SLC4A7: variants seen among roughly 807,000 people sequenced by gnomAD.
SLC4A7 encodes sodium bicarbonate cotransporter 3.
Under a neutral mutation model 137.6 loss-of-function variants are expected in SLC4A7, and 51 were observed. The ratio of observed to expected loss-of-function variants is 0.37; its 90% CI spans 0.30 to 0.47. The LOEUF (loss-of-function observed/expected upper bound fraction) is 0.47, where lower values mean the gene tolerates loss of function less well. SLC4A7 is among the 20% of genes least tolerant of loss of function. The pLI, the probability that SLC4A7 is intolerant of heterozygous loss-of-function variation, is 1.00. For synonymous variants in SLC4A7, 542 were observed against 518.6 expected (o/e 1.05, Z -0.61); for missense variants, 1,247 against 1,525.4 (o/e 0.82, Z 3.04).
Position 27,400,761 on chromosome 3 carries a change from C to G in SLC4A7, c.2427+3G>C. ...AAAACCCTTTATTTCAAAATATACT[C>G]ACAGAAACAGTAAGATTTCTCCAGG... On this transcript the variant is annotated splice_donor_region_variant and intron_variant, in intron 16 of 25. Coordinates refer to ENST00000454389, the MANE Select transcript of SLC4A7 (RefSeq NM_001321103.2). The G allele has an allele frequency of 6.5e-7, 1 of 1,533,488 alleles. No individual in the cohort carries two copies. The highest frequency in any genetic ancestry group is 9.0e-7 in the Non-Finnish European group (1 of 1,109,194). 95.0% of individuals were successfully genotyped at this position (1,533,488 alleles called of 1,614,324 possible).
chr3:27,425,231 G>A (rs535362073), intron 7 of SLC4A7, among the ~76,000 whole-genome samples: 1 of 152,078 alleles, frequency 6.6e-6, no homozygotes, highest in East Asian at 1.9e-4. Flanking sequence ...TAAGCCGGGC[G>A]TGATGGCGTG....
intron 1 of SLC4A7, among the ~76,000 whole-genome samples, chr3:27,476,397 A>G (rs1357905077): frequency 1.3e-5 from 2 of 152,250 alleles, no homozygotes; most frequent in Admixed American, 1.3e-4. Flanking sequence ...CAAGCAAAGT[A>G]GCATTCTTTT....
At chr3:27,389,897 A>T in intron 22 of SLC4A7, 34 bp downstream of exon 22, 1 of 1,511,310 alleles carries the variant, frequency 6.6e-7, no homozygotes, top group Non-Finnish European at 9.1e-7. Flanking sequence ...ACATATTATT[A>T]ATTAGTGACA....
Position 27,446,885 on chromosome 3 carries a change from G to GTTTTTTTTTT in SLC4A7, c.289+1765_289+1766insAAAAAAAAAA, listed in dbSNP as rs796773901. On this transcript the variant is annotated intron_variant, in intron 3 of 25. Transcript: ENST00000454389. Reference sequence around the variant, plus strand: ...GTAGAGTTTTTTTTTGTTTTTTTTTGTTTTTTTTGTTTTTTTTAAACAGAG... The same window carrying GTTTTTTTTTT: ...GTAGAGTTTTTTTTTGTTTTTTTTTGTTTTTTTTTTTTTTTTTTGTTTTTTTTAAACAGAG... 7.3e-4 allele frequency among the ~76,000 whole-genome samples: 26 copies of GTTTTTTTTTT among 35,754 alleles called. No individual in the cohort carries two copies. In the East Asian group the frequency reaches 8.5e-3, roughly 12 times the overall value. The allele number at this position is 35,754 out of a possible 152,430, so 23.5% of individuals were successfully genotyped here.
At chr3:27,415,845 G>A (rs983232886) in intron 11 of SLC4A7, among the ~76,000 whole-genome samples, 1 of 152,158 alleles carries the variant, frequency 6.6e-6, no homozygotes, top group Non-Finnish European at 1.5e-5. Flanking sequence ...GAGATAAAAA[G>A]GCATTTTGCA....
chr3:27,385,239 C>T (rs1033504951), intron 23 of SLC4A7, among the ~76,000 whole-genome samples: 7 of 152,080 alleles, frequency 4.6e-5, no homozygotes, highest in Admixed American at 3.3e-4. Context: ...ATGCTATATA[C>T]TCAAGTCTCT....
At chr3:27,476,968 A>C (rs1198738281) in intron 1 of SLC4A7, among the ~76,000 whole-genome samples, 1 of 152,126 alleles carries the variant, frequency 6.6e-6, no homozygotes, top group Non-Finnish European at 1.5e-5. Context: ...ACCCAGGAAA[A>C]CTCTATCCCC....
At chr3:27,441,900 CTTTT>C (rs527582749) in intron 3 of SLC4A7, among the ~76,000 whole-genome samples, 101 of 144,386 alleles carry the variant, frequency 7.0e-4, no homozygotes, top group African/African-American at 2.4e-3. Context: ...ATTAGTTTGA[CTTTT>C]TTTTTTTTTG....
intron 1 of SLC4A7, among the ~76,000 whole-genome samples, chr3:27,465,998 A>T (rs1452720231): frequency 2.0e-5 from 3 of 151,816 alleles, no homozygotes; most frequent in Non-Finnish European, 2.9e-5. Flanking sequence ...CTGTACAGGA[A>T]TTAAAGTGAT....
At position 27,379,216 on chromosome 3, in the gene SLC4A7, A is replaced by G. The variant is rs1429671895; in HGVS notation, c.3698+33T>C. 3.4e-6 allele frequency: 4 copies of G among 1,182,412 alleles called. No individual in the cohort carries two copies. In the South Asian group the frequency reaches 5.2e-5, roughly 15 times the overall value. The allele number at this position is 1,182,412 out of a possible 1,614,324, so 73.2% of individuals were successfully genotyped here. A position where few individuals can be genotyped will look rare whatever the true frequency, so the allele number is the denominator to read the frequency against. ...TATCATAAGTAAATGAAAATTGGCTACAGTTAGAAAACACACAAATAGTTA... is the reference window on the plus strand; with the variant it reads ...TATCATAAGTAAATGAAAATTGGCTGCAGTTAGAAAACACACAAATAGTTA... On this transcript the variant is annotated intron_variant, in intron 25 of 25. Transcript: ENST00000454389.
At chr3:27,434,640 A>C (rs527462321) in intron 5 of SLC4A7, among the ~76,000 whole-genome samples, 8 of 152,336 alleles carry the variant, frequency 5.3e-5, no homozygotes, top group East Asian at 1.9e-4. Context: ...TCATGAGGTC[A>C]TAAGTTCTAG....
At chr3:27,461,797 CAA>C (rs11353094) in intron 1 of SLC4A7, among the ~76,000 whole-genome samples, 47 of 135,862 alleles carry the variant, frequency 3.5e-4, no homozygotes, top group Admixed American at 3.7e-4. Flanking sequence ...CCATCTCCAC[CAA>C]AAAAAAAAAA....
Position 27,440,361 on chromosome 3 carries a change from C to T in SLC4A7, c.290-2835G>A, listed in dbSNP as rs1261642415. 2.0e-5 allele frequency among the ~76,000 whole-genome samples: 3 copies of T among 152,122 alleles called. No homozygotes were observed. The East Asian group carries it at 5.8e-4, about 29-fold the overall frequency. ...ATCTATATCCAGTCTGATCGTCTGA[C>T]CTCCTCTTACTAAGGATCCCTATGA... is the stretch of plus-strand genomic sequence containing the variant. On this transcript the variant is annotated intron_variant, in intron 3 of 25. Transcript: ENST00000454389.
At position 27,392,952 on chromosome 3, in the gene SLC4A7, A is replaced by C. The variant is rs150792403; in HGVS notation, c.3118-1144T>G. Among the ~76,000 whole-genome samples the C allele has an allele frequency of 4.3e-3, 648 of 152,312 alleles. 2 individuals are homozygous for C. The highest frequency in any genetic ancestry group is 0.015 in the African/African-American group (616 of 41,578). ...AATAATTTTCATAAGACTGAAGACC[A>C]ATATAATGATATGAAAAAAGGAGAA... On this transcript the variant is annotated intron_variant, in intron 20 of 25. Transcript: ENST00000454389.
chr3:27,456,527 G>A lies in SLC4A7; in HGVS notation c.61-4029C>T, dbSNP rs73151852. 3,486 of 700,044 alleles carry A rather than the reference G, an allele frequency of 5.0e-3. 101 individuals are homozygous for A. In the African/African-American group the frequency reaches 0.058, roughly 12 times the overall value. 43.4% of individuals were successfully genotyped at this position (700,044 alleles called of 1,614,324 possible). On this transcript the variant is annotated intron_variant, in intron 1 of 25. Transcript: ENST00000454389. ...TCAACAGATGACTTCCACAGCCAAG[G>A]ACACAAAGGATGATACTATTCTAAG...
chr3:27,415,279 C>A (rs948464846), intron 11 of SLC4A7, among the ~76,000 whole-genome samples: 1 of 152,170 alleles, frequency 6.6e-6, no homozygotes, highest in Non-Finnish European at 1.5e-5. Flanking sequence ...ACTTCAGGAA[C>A]AATGCACTGA....
Position 27,448,756 on chromosome 3 carries a change from T to C in SLC4A7, c.184A>G (p.Lys62Glu). Residue 62 changes from lysine (K) to glutamate (E), a missense_variant, in exon 3 of 26, where the codon AAA becomes GAA. Physicochemically the swap from Lys to Glu is moderately conservative, Grantham distance 56 (BLOSUM62 1). Transcript: ENST00000454389. Reference sequence around the variant, plus strand: ...TGCCTATGACGCCGACGACTCTCTTTACTAAACGGGACGTGAACACCAATA... The same window carrying C: ...TGCCTATGACGCCGACGACTCTCTTCACTAAACGGGACGTGAACACCAATA... ...VYIGVHVPFS[K>E]ESRRRHRHRG... The C allele has an allele frequency of 1.9e-6, 3 of 1,613,558 alleles. No homozygotes were observed. The highest frequency in any genetic ancestry group is 1.1e-5 in the South Asian group (1 of 91,040).
intron 2 of SLC4A7, among the ~76,000 whole-genome samples, chr3:27,450,890 T>C (rs1030787529): frequency 6.6e-6 from 1 of 152,112 alleles, no homozygotes; most frequent in African/African-American, 2.4e-5. Flanking sequence ...TGAAGATGTG[T>C]ACAAAGTATG....
At chr3:27,457,095 G>GAA in intron 1 of SLC4A7, 7 of 200,046 alleles carry the variant, frequency 3.5e-5, no homozygotes, top group Non-Finnish European at 6.1e-5. Flanking sequence ...ACAATAGCTA[G>GAA]AAAAAAAAAA....
Sources: gnomAD v4.1 joint callset for allele counts (sites outside exome capture counted in the v4.1 genomes callset) on GRCh38, gnomAD v4.1.1 for gene constraint, MANE v1.5 for transcripts, NCBI Gene and HGNC (gene_info 2026-07-23, HGNC 2026-07-21) for gene names.